PTPRD: variants seen among roughly 807,000 people sequenced by gnomAD.
PTPRD encodes the protein receptor-type tyrosine-protein phosphatase delta.
In PTPRD, 34 loss-of-function variants were observed where a neutral mutation model predicts 214.5. That is an observed-to-expected ratio of 0.16 (90% CI 0.12 to 0.21). The LOEUF (loss-of-function observed/expected upper bound fraction) is 0.21. Ranked by LOEUF, PTPRD falls within the 10% of genes least tolerant of loss-of-function variation. PTPRD has a pLI of 1.00. For synonymous variants in PTPRD, 1,128 were observed against 845.7 expected (o/e 1.33, Z -5.79); for missense variants, 2,545 against 2,398.7 (o/e 1.06, Z -1.27).
intron 2 of PTPRD, among the ~76,000 whole-genome samples, chr9:10,551,646 C>A (rs1470485986): frequency 6.6e-6 from 1 of 152,064 alleles, no homozygotes; most frequent in East Asian, 1.9e-4. Context: ...TTGAAATTTC[C>A]TGGCTCTATT....
intron 11 of PTPRD, among the ~76,000 whole-genome samples, chr9:8,941,555 C>T (rs745532845): frequency 1.3e-4 from 19 of 151,962 alleles, no homozygotes; most frequent in Non-Finnish European, 1.3e-4. Flanking sequence ...TTTTATAAGA[C>T]AAGGAAATAG....
In PTPRD at chr9:8,676,995, G is replaced by T. The variant is rs113999018; in HGVS notation, c.65-40151C>A. On this transcript the variant is annotated intron_variant, in intron 12 of 45. Transcript: ENST00000381196. ...ATGAACGAATAAAGTGAATATTAAG[G>T]AAATTAATCGTTTCATTTAGTTATA... is the stretch of plus-strand genomic sequence containing the variant. 3.8e-3 allele frequency among the ~76,000 whole-genome samples: 577 copies of T among 152,240 alleles called. 7 individuals carry two copies. The highest frequency in any genetic ancestry group is 0.013 in the African/African-American group (553 of 41,544).
At chr9:8,396,808 T>G (rs575179693) in intron 36 of PTPRD, among the ~76,000 whole-genome samples, 2 of 152,308 alleles carry the variant, frequency 1.3e-5, no homozygotes, top group South Asian at 2.1e-4. Flanking sequence ...TTAGAAAGAC[T>G]GCAAGCAACC....
intron 9 of PTPRD, among the ~76,000 whole-genome samples, chr9:9,286,955 G>A (rs1455658395): frequency 7.7e-6 from 1 of 130,072 alleles, no homozygotes; most frequent in Non-Finnish European, 1.6e-5. Context: ...GCTGGGCATA[G>A]TGGCTCATGT....
intron 2 of PTPRD, among the ~76,000 whole-genome samples, chr9:10,363,478 G>A (rs1057017370): frequency 3.3e-5 from 5 of 152,116 alleles, no homozygotes; most frequent in African/African-American, 1.2e-4. Flanking sequence ...ACTGCTACTG[G>A]AATTGTCACA....
intron 14 of PTPRD, among the ~76,000 whole-genome samples, chr9:8,537,285 T>C (rs558983055): frequency 4.6e-5 from 7 of 152,110 alleles, no homozygotes; most frequent in Non-Finnish European, 1.0e-4. Flanking sequence ...AAAAATCATA[T>C]AGTTTCTAAT....
intron 14 of PTPRD, among the ~76,000 whole-genome samples, chr9:8,574,787 C>T (rs1050578486): frequency 6.6e-6 from 1 of 152,110 alleles, no homozygotes; most frequent in African/African-American, 2.4e-5. Flanking sequence ...AGTTAATTGC[C>T]AATCCCATTT....
chr9:9,111,459 T>C (rs1170179177), intron 10 of PTPRD, among the ~76,000 whole-genome samples: 2 of 151,960 alleles, frequency 1.3e-5, no homozygotes, highest in African/African-American at 4.8e-5. Context: ...TGGTCAGTCG[T>C]GATTCAGGTA....
intron 4 of PTPRD, among the ~76,000 whole-genome samples, chr9:10,008,210 G>A (rs535424733): frequency 6.6e-6 from 1 of 152,022 alleles, no homozygotes; most frequent in Admixed American, 6.6e-5. Flanking sequence ...GGGATGGGAG[G>A]TCACACATAC....
chr9:9,682,356 C>T (rs923476855), intron 7 of PTPRD, among the ~76,000 whole-genome samples: 1 of 151,654 alleles, frequency 6.6e-6, no homozygotes, highest in African/African-American at 2.4e-5. Context: ...ATGACTATTC[C>T]CATTTTTGCC....
intron 2 of PTPRD, among the ~76,000 whole-genome samples, chr9:10,349,144 C>T (rs2097140252): frequency 6.6e-6 from 1 of 151,520 alleles, no homozygotes; most frequent in Non-Finnish European, 1.5e-5. Flanking sequence ...TTCTCCCCTA[C>T]TGCAATCTCA....
At chr9:8,823,677 G>GA (rs2097120174) in intron 11 of PTPRD, among the ~76,000 whole-genome samples, 2 of 111,234 alleles carry the variant, frequency 1.8e-5, no homozygotes, top group African/African-American at 4.3e-5. Context: ...AAGGGAAAAG[G>GA]AAAGGGAAAG....
At chr9:9,653,555 C>A (rs1012461624) in intron 7 of PTPRD, among the ~76,000 whole-genome samples, 2 of 152,050 alleles carry the variant, frequency 1.3e-5, no homozygotes, top group African/African-American at 4.8e-5. Context: ...CCTCCAGCTT[C>A]CATTGTAAAT....
intron 4 of PTPRD, among the ~76,000 whole-genome samples, chr9:10,014,880 C>G (rs11788236): frequency 0.097 from 14,819 of 152,070 alleles, 851 homozygotes; most frequent in East Asian, 0.14. Context: ...AGACTTACTG[C>G]CCCACTTTAT....
chr9:8,679,528 C>G lies in PTPRD; in HGVS notation c.65-42684G>C, dbSNP rs376965744. ...TTACACAGGATGCACTGTCAGACAG[C>G]ATAGAACGCCTTCAACTCCTGAGGC... On this transcript the variant is annotated intron_variant, in intron 12 of 45. Coordinates refer to ENST00000381196, the MANE Select transcript of PTPRD (RefSeq NM_002839.4). Among the ~76,000 whole-genome samples the G allele has an allele frequency of 8.5e-5, 13 of 152,318 alleles. No individual in the cohort carries two copies. In the South Asian group the frequency reaches 2.7e-3, roughly 32 times the overall value.
intron 9 of PTPRD, among the ~76,000 whole-genome samples, chr9:9,354,897 G>A (rs1317034270): frequency 1.3e-5 from 2 of 151,702 alleles, no homozygotes; most frequent in Admixed American, 6.6e-5. Context: ...AGAGGCCTAA[G>A]GATAGTCCAT....
chr9:8,430,079 T>G (rs1367117384), intron 35 of PTPRD, among the ~76,000 whole-genome samples: 2 of 151,958 alleles, frequency 1.3e-5, no homozygotes, highest in East Asian at 3.9e-4. Flanking sequence ...TAAAAAGGGG[T>G]TATTATCTCA....
At chr9:10,260,370 C>G (rs1485762332) in intron 3 of PTPRD, among the ~76,000 whole-genome samples, 1 of 152,180 alleles carries the variant, frequency 6.6e-6, no homozygotes. Flanking sequence ...AACTCACACT[C>G]AAGTTTTACA....
chr9:9,139,583 T>C (rs2099856668), intron 10 of PTPRD, among the ~76,000 whole-genome samples: 1 of 151,308 alleles, frequency 6.6e-6, no homozygotes, highest in East Asian at 1.9e-4. Context: ...CAGGAATGGG[T>C]AGCTTAGAAA....
Sources: gnomAD v4.1 joint callset for allele counts (sites outside exome capture counted in the v4.1 genomes callset) on GRCh38, gnomAD v4.1.1 for gene constraint, MANE v1.5 for transcripts, NCBI Gene and HGNC (gene_info 2026-07-23, HGNC 2026-07-21) for gene names.